FHOD3: variants seen among roughly 807,000 people sequenced by gnomAD.
FHOD3 encodes formin homology 2 domain containing 3.
A neutral mutation model predicts 173.0 loss-of-function variants in FHOD3; 90 were observed. The observed-to-expected ratio is 0.52, with a 90% confidence interval of 0.44 to 0.62. FHOD3 has a LOEUF of 0.62. Ranked by LOEUF, FHOD3 falls within the 20% of genes least tolerant of loss-of-function variation. FHOD3 has a pLI of 0.00. For synonymous variants in FHOD3, 828 were observed against 823.0 expected (o/e 1.01, Z -0.10); for missense variants, 1,945 against 2,034.7 (o/e 0.96, Z 0.85).
intron 8 of FHOD3, among the ~76,000 whole-genome samples, chr18:36,605,904 A>G (rs894249685): frequency 6.6e-6 from 1 of 152,234 alleles, no homozygotes; most frequent in Non-Finnish European, 1.5e-5. Flanking sequence ...GGAATTTTTA[A>G]AAATGGACAT....
chr18:36,718,716 G>T lies in FHOD3; in HGVS notation c.3417+1G>T. On this transcript the variant is annotated splice_donor_variant, in intron 19 of 28. Coordinates refer to ENST00000590592, the MANE Select transcript of FHOD3 (RefSeq NM_001281740.3). LOFTEE classifies it high-confidence loss of function. ...ATCCAAGGAACTGTCTGTCTCAAAG[G>T]TACTGCTAGTCTTCAGCATGCTTCT... 1 of 1,609,710 alleles carries T rather than the reference G, an allele frequency of 6.2e-7. No individual in the cohort carries two copies. Among genetic ancestry groups the T allele is most frequent in the South Asian group, 1.1e-5 (1 of 90,762 alleles).
chr18:36,723,686 T>C (rs1234693047), intron 19 of FHOD3, among the ~76,000 whole-genome samples: 1 of 152,182 alleles, frequency 6.6e-6, no homozygotes, highest in Non-Finnish European at 1.5e-5. Flanking sequence ...TTCATGGAAG[T>C]GCTCTCAGAC....
chr18:36,308,262 T>C (rs964021508), intron 1 of FHOD3, among the ~76,000 whole-genome samples: 11 of 152,166 alleles, frequency 7.2e-5, no homozygotes, highest in Non-Finnish European at 1.5e-5. Context: ...ATTCTCAATG[T>C]TTAGTTGCTG....
intron 17 of FHOD3, among the ~76,000 whole-genome samples, chr18:36,697,583 T>C (rs1272047297): frequency 6.6e-6 from 1 of 152,254 alleles, no homozygotes; most frequent in East Asian, 1.9e-4. Flanking sequence ...GATTTTTTTC[T>C]CTACCTGTAA....
intron 26 of FHOD3, among the ~76,000 whole-genome samples, chr18:36,760,310 A>G (rs145104268): frequency 1.9e-3 from 283 of 152,330 alleles, no homozygotes; most frequent in Non-Finnish European, 2.9e-3. Context: ...CCCAGAGCCA[A>G]TGCCAGTTGC....
At position 36,612,082 on chromosome 18, in the gene FHOD3, T is replaced by C. The variant is rs764814944; in HGVS notation, c.944T>C (p.Leu315Pro). The change falls in exon 9 of 29, where the codon CTC becomes CCC. Residue 315 changes from leucine to proline, a missense_variant. This residue lies in a region of FHOD3 where 1,099 missense variants were observed against 1,051.2 expected (regional missense o/e 1.05). Coordinates refer to ENST00000590592, the MANE Select transcript of FHOD3 (RefSeq NM_001281740.3). ...ACTGACCTGGACTTAGTGGAGCAAC[T>C]CAACATTTATGAGGTACCAGACCAT... Reference protein sequence around the residue: ...KGTDLDLVEQLNIYEVALRHE... With the variant: ...KGTDLDLVEQPNIYEVALRHE... The C allele has an allele frequency of 1.9e-6, 3 of 1,613,806 alleles. No individual in the cohort carries two copies. Among genetic ancestry groups the C allele is most frequent in the Non-Finnish European group, 2.5e-6 (3 of 1,179,900 alleles).
chr18:36,619,280 C>T (rs1386550520), intron 9 of FHOD3, among the ~76,000 whole-genome samples: 4 of 152,150 alleles, frequency 2.6e-5, no homozygotes, highest in Non-Finnish European at 5.9e-5. Context: ...TAGGACATGC[C>T]AAGGAAGCTC....
At chr18:36,771,005 T>C (rs1024880454) in intron 28 of FHOD3, among the ~76,000 whole-genome samples, 11 of 152,196 alleles carry the variant, frequency 7.2e-5, no homozygotes, top group African/African-American at 2.7e-4. Context: ...CCAACATCAA[T>C]ATCTAAGGCC....
intron 17 of FHOD3, among the ~76,000 whole-genome samples, chr18:36,703,732 A>C (rs763561960): frequency 4.6e-5 from 7 of 152,230 alleles, no homozygotes; most frequent in Non-Finnish European, 1.0e-4. Context: ...GGCGGACTTC[A>C]TACAGGGACC....
intron 10 of FHOD3, among the ~76,000 whole-genome samples, chr18:36,629,466 C>G (rs375215393): frequency 7.7e-4 from 117 of 152,328 alleles, no homozygotes; most frequent in African/African-American, 2.6e-3. Flanking sequence ...ATGTAGCCCA[C>G]AGGCTGTAGT....
At chr18:36,385,268 A>G (rs910172912) in intron 3 of FHOD3, among the ~76,000 whole-genome samples, 1 of 152,210 alleles carries the variant, frequency 6.6e-6, no homozygotes, top group Non-Finnish European at 1.5e-5. Context: ...ATAAATTTCT[A>G]TTAAAATTTT....
At chr18:36,500,754 A>G (rs890285679) in intron 3 of FHOD3, among the ~76,000 whole-genome samples, 1 of 152,214 alleles carries the variant, frequency 6.6e-6, no homozygotes, top group East Asian at 1.9e-4. Flanking sequence ...TTTGCTCCTG[A>G]TAATTCCATT....
chr18:36,700,996 C>T (rs2039555378), intron 17 of FHOD3, among the ~76,000 whole-genome samples: 1 of 152,234 alleles, frequency 6.6e-6, no homozygotes, highest in Admixed American at 6.5e-5. Context: ...CAGGGCTTAC[C>T]TCACTGTCCA....
chr18:36,347,992 C>A lies in FHOD3; in HGVS notation c.166-7547C>A, dbSNP rs1026146763. ...AATAGCAGAGGACAACCTCAGAGTG[C>A]GTGCCCTGTATCTTGTCCCTTTGCA... On this transcript the variant is annotated intron_variant, in intron 1 of 28. Coordinates refer to ENST00000590592, the MANE Select transcript of FHOD3 (RefSeq NM_001281740.3). 1.3e-5 allele frequency among the ~76,000 whole-genome samples: 2 copies of A among 152,172 alleles called. 1 individual carries two copies. Among genetic ancestry groups the A allele is most frequent in the African/African-American group, 4.8e-5 (2 of 41,432 alleles).
At chr18:36,386,629 G>A (rs769909672) in intron 3 of FHOD3, among the ~76,000 whole-genome samples, 15 of 152,176 alleles carry the variant, frequency 9.9e-5, no homozygotes, top group Non-Finnish European at 2.1e-4. Flanking sequence ...TTGAGATGGT[G>A]CACAAATTGC....
chr18:36,437,078 G>GT (rs1447552597), intron 3 of FHOD3, among the ~76,000 whole-genome samples: 5 of 151,654 alleles, frequency 3.3e-5, no homozygotes, highest in African/African-American at 9.7e-5. Flanking sequence ...GGTATATGAT[G>GT]TTTTTTCTCA....
At chr18:36,607,230 C>A (rs892838588) in intron 8 of FHOD3, among the ~76,000 whole-genome samples, 18 of 152,322 alleles carry the variant, frequency 1.2e-4, no homozygotes, top group African/African-American at 4.1e-4. Context: ...ACCATGGCTC[C>A]ACGGCTCTTG....
chr18:36,320,193 G>T (rs1193078807), intron 1 of FHOD3, among the ~76,000 whole-genome samples: 1 of 152,120 alleles, frequency 6.6e-6, no homozygotes, highest in African/African-American at 2.4e-5. Context: ...ATGAATCCAG[G>T]AGCTGGTTTT....
At chr18:36,673,102 C>G (rs1169357197) in intron 14 of FHOD3, among the ~76,000 whole-genome samples, 1 of 152,182 alleles carries the variant, frequency 6.6e-6, no homozygotes, top group Non-Finnish European at 1.5e-5. Context: ...AAAATCTCCC[C>G]CTCAGCTTTT....
Sources: gnomAD v4.1 joint callset for allele counts (sites outside exome capture counted in the v4.1 genomes callset) on GRCh38, gnomAD v4.1.1 for gene constraint, gnomAD v4.1.1 regional missense constraint, MANE v1.5 for transcripts, NCBI Gene and HGNC (gene_info 2026-07-23, HGNC 2026-07-21) for gene names.